HIPK3: variants seen among roughly 807,000 people sequenced by gnomAD.
HIPK3 encodes the protein homeodomain-interacting protein kinase 3.
HIPK3 carries 47 observed loss-of-function variants against 124.2 expected under a neutral mutation model. That is an observed-to-expected ratio of 0.38 (90% CI 0.30 to 0.48). The LOEUF is 0.48. Ranked by LOEUF, HIPK3 falls within the 20% of genes least tolerant of loss-of-function variation. The probability of loss-of-function intolerance (pLI) is 0.98; values close to 1 mark genes in which losing one functional copy is unlikely to be tolerated. For missense variants in HIPK3, 1,286 were observed against 1,454.3 expected, an observed-to-expected ratio of 0.88 and a Z score of 1.88; for synonymous variants, 482 against 515.2, an observed-to-expected ratio of 0.94 and a Z score of 0.87.
chr11:33,258,280 C>T (rs933287091), intron 1 of HIPK3: 20 of 984,640 alleles, frequency 2.0e-5, no homozygotes, highest in Non-Finnish European at 2.4e-5. Context: ...CACGGGGAGC[C>T]TCTCTTCCCC....
intron 2 of HIPK3, among the ~76,000 whole-genome samples, chr11:33,291,630 A>G (rs970697561): frequency 1.3e-5 from 2 of 152,242 alleles, no homozygotes; most frequent in South Asian, 2.1e-4. Flanking sequence ...GTTTCTGTCA[A>G]GAACACGTAG....
At chr11:33,307,088 G>A (rs552838784) in intron 2 of HIPK3, among the ~76,000 whole-genome samples, 211 of 152,060 alleles carry the variant, frequency 1.4e-3, no homozygotes, top group Admixed American at 2.6e-3. Flanking sequence ...ATAGGCATCC[G>A]CCACCATGCC....
At chr11:33,308,846 C>T (rs1852243426) in intron 2 of HIPK3, among the ~76,000 whole-genome samples, 2 of 149,532 alleles carry the variant, frequency 1.3e-5, no homozygotes, top group Admixed American at 6.7e-5. Context: ...GATGTTTTCC[C>T]TCCCCTCAAT....
chr11:33,337,729 A>T (rs928437864), intron 4 of HIPK3, among the ~76,000 whole-genome samples: 39 of 151,966 alleles, frequency 2.6e-4, no homozygotes, highest in Admixed American at 2.2e-3. Flanking sequence ...GCTGGAGCGC[A>T]GTGGTGTAAT....
intron 1 of HIPK3, among the ~76,000 whole-genome samples, chr11:33,259,922 T>C (rs1590331256): frequency 6.6e-6 from 1 of 152,156 alleles, no homozygotes; most frequent in East Asian, 1.9e-4. Flanking sequence ...ATTAAATGTT[T>C]CAACTTTATA....
At chr11:33,275,355 T>G (rs1171298422) in intron 1 of HIPK3, among the ~76,000 whole-genome samples, 1 of 152,116 alleles carries the variant, frequency 6.6e-6, no homozygotes, top group Non-Finnish European at 1.5e-5. Context: ...TGGTTTAGTA[T>G]TATTTCCTGG....
rs375435479 is a variant in HIPK3, at chr11:33,351,717, A to G, written c.2917A>G (p.Thr973Ala). 370 of 1,614,032 alleles carry G rather than the reference A, an allele frequency of 2.3e-4. No homozygotes were observed. The highest frequency in any genetic ancestry group is 2.9e-4 in the Non-Finnish European group (346 of 1,180,000). The change falls in exon 15 of 17, where the codon ACT becomes GCT. Residue 973 changes from threonine (T) to alanine (A), a missense_variant. Around this residue, in one of 3 missense-constraint regions of HIPK3, gnomAD observed 810 missense variants for 864.9 expected, o/e 0.94. Transcript: ENST00000303296. Reference protein sequence around the residue: ...PFAESTFVEDTHENTELVSSA... With the variant: ...PFAESTFVEDAHENTELVSSA... ...TGCAGAGAGCACTTTTGTGGAGGAC[A>G]CTCATGAAAACACAGAATTGGTATC...
chr11:33,273,622 G>A (rs971414122), intron 1 of HIPK3, among the ~76,000 whole-genome samples: 2 of 149,874 alleles, frequency 1.3e-5, no homozygotes, highest in African/African-American at 4.9e-5. Context: ...AGCCTGAGTA[G>A]AAAGAAAACA....
At chr11:33,317,274 A>ATTTTTTTTTTTT (rs3028961) in intron 2 of HIPK3, among the ~76,000 whole-genome samples, 1 of 102,220 alleles carries the variant, frequency 9.8e-6, no homozygotes, top group Admixed American at 1.2e-4. Flanking sequence ...GCCTGGCCCT[A>ATTTTTTTTTTTT]TTTTTTTTTT....
At position 33,353,301 on chromosome 11, in the gene HIPK3, C is replaced by T. The variant is rs144710455; in HGVS notation, c.3381C>T (p.Leu1127=). The T allele has an allele frequency of 2.8e-3, 4,519 of 1,614,188 alleles. 11 individuals are homozygous for T. The highest frequency in any genetic ancestry group is 3.6e-3 in the Non-Finnish European group (4,203 of 1,180,008). Residue 1127 remains leucine (L), a synonymous_variant, in exon 17 of 17, where the codon CTC becomes CTT. Coordinates refer to ENST00000303296, the MANE Select transcript of HIPK3 (RefSeq NM_005734.5). ...TTCCATACCCATCATCAGCCACCCTCAGTAGTGCTGCACCAGTGGCCCACC... is the reference window on the plus strand; with the variant it reads ...TTCCATACCCATCATCAGCCACCCTTAGTAGTGCTGCACCAGTGGCCCACC... ...TLLPYPSSAT[L]SSAAPVAHLL... is the part of the protein sequence containing the mutation.
Position 33,353,504 on chromosome 11 carries a change from C to T in HIPK3, c.3584C>T (p.Ala1195Val). ...PIFPPHSYIA[A>V]SPAYTGFPLS... ...TTCCCACCACATTCTTACATTGCAG[C>T]ATCACCTGCATATACTGGATTTCCA... The change falls in exon 17 of 17, where the codon GCA (alanine) becomes GTA (valine). Residue 1195 changes from alanine to valine, a missense_variant. By Grantham distance (64) the Ala-to-Val change is moderately conservative (BLOSUM62 0). Transcript: ENST00000303296. The T allele has an allele frequency of 3.1e-6, 5 of 1,614,018 alleles. No individual in the cohort carries two copies. The highest frequency in any genetic ancestry group is 4.2e-6 in the Non-Finnish European group (5 of 1,179,880).
chr11:33,347,634 G>T lies in HIPK3; in HGVS notation c.2025G>T (p.Trp675Cys). 1 of 1,613,642 alleles carries T rather than the reference G, an allele frequency of 6.2e-7. No individual in the cohort carries two copies. The highest frequency in any genetic ancestry group is 1.1e-5 in the South Asian group (1 of 91,050). Residue 675 changes from tryptophan (W) to cysteine (C), a missense_variant, in exon 10 of 17, where the codon TGG becomes TGT. Around this residue, in one of 3 missense-constraint regions of HIPK3, gnomAD observed 810 missense variants for 864.9 expected, o/e 0.94. Transcript: ENST00000303296. The stretch of plus-strand genomic sequence containing the variant: ...TTTTGCTTTGCTGCAAGCAGACGTG[G>T]TCTGGTAGAACACAGCAGATGCTGG... ...QIRPGVLSQTWSGRTQQMLVP... is the reference protein window; with the variant it reads ...QIRPGVLSQTCSGRTQQMLVP...
chr11:33,281,649 G>A (rs955551648), intron 1 of HIPK3, among the ~76,000 whole-genome samples: 3 of 152,144 alleles, frequency 2.0e-5, no homozygotes, highest in Admixed American at 6.5e-5. Context: ...TAGATATTCA[G>A]TGCATATGCA....
At position 33,323,534 on chromosome 11, in the gene HIPK3, C is replaced by T. The variant is rs7118590; in HGVS notation, c.1098-4976C>T. ...CTGGGATTACAGGCGTGAGCCACCA[C>T]GTCCGGCTGGATTCCATTTATATGA... On this transcript the variant is annotated intron_variant, in intron 2 of 16. Coordinates refer to ENST00000303296, the MANE Select transcript of HIPK3 (RefSeq NM_005734.5). Among the ~76,000 whole-genome samples the T allele has an allele frequency of 5.7e-3, 870 of 152,292 alleles. 13 individuals carry two copies. The highest frequency in any genetic ancestry group is 0.02 in the African/African-American group (814 of 41,576).
chr11:33,276,560 G>T lies in HIPK3; in HGVS notation c.-2-9853G>T, dbSNP rs115879790. ...GGTACGTGGCAAATATTTTAGGCTT[G>T]TACGGACTGAACAGGTGACTGCTTC... On this transcript the variant is annotated intron_variant, in intron 1 of 16. Coordinates refer to ENST00000303296, the MANE Select transcript of HIPK3 (RefSeq NM_005734.5). 2.0e-3 allele frequency among the ~76,000 whole-genome samples: 299 copies of T among 152,238 alleles called. 1 individual carries two copies. Among genetic ancestry groups the T allele is most frequent in the African/African-American group, 7.0e-3 (290 of 41,528 alleles).
intron 2 of HIPK3, among the ~76,000 whole-genome samples, chr11:33,293,446 A>G (rs1182645490): frequency 6.6e-6 from 1 of 152,064 alleles, no homozygotes; most frequent in African/African-American, 2.4e-5. Flanking sequence ...CCCCAGCCCT[A>G]AGCAACCACT....
intron 2 of HIPK3, among the ~76,000 whole-genome samples, chr11:33,326,931 T>C (rs1181148810): frequency 1.3e-5 from 2 of 152,146 alleles, no homozygotes; most frequent in African/African-American, 4.8e-5. Context: ...TCCTACCATG[T>C]TGGCCTCCCA....
intron 2 of HIPK3, among the ~76,000 whole-genome samples, 176 bp downstream of exon 2, chr11:33,287,687 C>A (rs1851594718): frequency 6.6e-6 from 1 of 152,000 alleles, no homozygotes; most frequent in South Asian, 2.1e-4. Flanking sequence ...ATAAAATCTA[C>A]CCAAGCAGGA....
chr11:33,321,503 G>A (rs1387346749), intron 2 of HIPK3, among the ~76,000 whole-genome samples: 1 of 152,182 alleles, frequency 6.6e-6, no homozygotes, highest in East Asian at 1.9e-4. Context: ...TTGGAGTGAT[G>A]TACTTCAGTA....
Sources: allele counts gnomAD v4.1 joint callset (sites outside exome capture counted in the v4.1 genomes callset), GRCh38; gene constraint gnomAD v4.1.1; regional missense constraint gnomAD v4.1.1; transcripts MANE v1.5; gene names NCBI Gene and HGNC (gene_info 2026-07-23, HGNC 2026-07-21).